Variants in PARVA observed in about 807,000 individuals in gnomAD.
PARVA encodes parvin alpha, also known as alpha-parvin.
A neutral mutation model predicts 52.6 loss-of-function variants in PARVA; 25 were observed. The observed-to-expected ratio is 0.48, with a 90% CI of 0.35 to 0.66. The LOEUF is 0.66. PARVA is among the 30% of genes least tolerant of loss of function. PARVA has a pLI of 0.01. For missense variants in PARVA, 373 were observed against 450.9 expected (o/e 0.83, Z 1.56); for synonymous variants, 185 against 179.1 (o/e 1.03, Z -0.26).
At chr11:12,431,752 C>A (rs1490736497) in intron 1 of PARVA, among the ~76,000 whole-genome samples, 4 of 152,256 alleles carry the variant, frequency 2.6e-5, no homozygotes, top group Non-Finnish European at 5.9e-5. Flanking sequence ...ATGGGCCCCC[C>A]ACTCCCTGCC....
At chr11:12,401,107 G>T (rs1197793976) in intron 1 of PARVA, among the ~76,000 whole-genome samples, 1 of 152,160 alleles carries the variant, frequency 6.6e-6, no homozygotes, top group Non-Finnish European at 1.5e-5. Context: ...GTGGGACCAG[G>T]GTATTCCATC....
At chr11:12,385,041 G>A (rs576852449) in intron 1 of PARVA, among the ~76,000 whole-genome samples, 171 of 152,246 alleles carry the variant, frequency 1.1e-3, no homozygotes, top group South Asian at 1.9e-3. Context: ...TGAGGCAAAA[G>A]GTTTCTAGAA....
At chr11:12,397,425 A>G (rs1411180055) in intron 1 of PARVA, among the ~76,000 whole-genome samples, 3 of 152,222 alleles carry the variant, frequency 2.0e-5, no homozygotes, top group African/African-American at 7.2e-5. Flanking sequence ...TGCAAACAAC[A>G]TTCTATGCCA....
intron 5 of PARVA, among the ~76,000 whole-genome samples, chr11:12,499,995 G>T (rs537138479): frequency 3.5e-4 from 53 of 152,098 alleles, no homozygotes; most frequent in Middle Eastern, 3.4e-3. Context: ...ATTGTTCTCC[G>T]TTTTCCCACT....
rs1941537354 is a variant in PARVA, at chr11:12,513,991, T to C, written c.799-6T>C. On this transcript the variant is annotated splice_region_variant and splice_polypyrimidine_tract_variant and intron_variant, in intron 9 of 12. Coordinates refer to ENST00000334956, the MANE Select transcript of PARVA (RefSeq NM_018222.5). ...CAGCTTAGGGCCTGCTTTGCTTCTC[T>C]TTTAGACACTCATCACTTTCGTGAA... is the stretch of plus-strand genomic sequence containing the variant. 1 of 1,613,530 alleles carries C rather than the reference T, an allele frequency of 6.2e-7. No homozygotes were observed. Among genetic ancestry groups the C allele is most frequent in the Non-Finnish European group, 8.5e-7 (1 of 1,179,536 alleles).
chr11:12,509,076 T>G (rs76328635), intron 7 of PARVA, among the ~76,000 whole-genome samples: 9 of 120,890 alleles, frequency 7.4e-5, no homozygotes, highest in African/African-American at 3.2e-4. Context: ...TTTGGGGTGG[T>G]TTTTTTTTTT....
intron 5 of PARVA, among the ~76,000 whole-genome samples, chr11:12,500,820 C>A (rs1941354713): frequency 7.1e-6 from 1 of 140,238 alleles, no homozygotes; most frequent in African/African-American, 2.7e-5. Context: ...GGAAAAAAAA[C>A]CTATCTGGCG....
chr11:12,388,744 T>C (rs1022473958), intron 1 of PARVA, among the ~76,000 whole-genome samples: 1 of 151,910 alleles, frequency 6.6e-6, no homozygotes, highest in Non-Finnish European at 1.5e-5. Flanking sequence ...TAAAGATAAG[T>C]TTTTTTATCT....
At chr11:12,471,788 A>C (rs773562172) in intron 1 of PARVA, among the ~76,000 whole-genome samples, 36 of 152,242 alleles carry the variant, frequency 2.4e-4, no homozygotes, top group Non-Finnish European at 2.9e-4. Flanking sequence ...AAATTTAAAT[A>C]GCTCAAGTGG....
At chr11:12,464,873 T>C (rs1304610636) in intron 1 of PARVA, among the ~76,000 whole-genome samples, 1 of 152,204 alleles carries the variant, frequency 6.6e-6, no homozygotes, top group Non-Finnish European at 1.5e-5. Context: ...ACCAATTTCA[T>C]GGAAGACAGT....
intron 8 of PARVA, 86 bp downstream of exon 8, chr11:12,511,619 C>G: frequency 7.2e-7 from 1 of 1,393,558 alleles, no homozygotes; most frequent in Non-Finnish European, 1.0e-6. Context: ...AACAGGCTCT[C>G]AGCTTGTCAC....
Position 12,533,963 on chromosome 11 carries a change from T to C in PARVA, c.*6038T>C, listed in dbSNP as rs1183413005. Among the ~76,000 whole-genome samples the C allele has an allele frequency of 2.0e-5, 3 of 151,786 alleles. No homozygotes were observed. The highest frequency in any genetic ancestry group is 4.4e-5 in the Non-Finnish European group (3 of 67,964). On this transcript the variant is annotated 3_prime_UTR_variant, in exon 13 of 13. Transcript: ENST00000334956. ...ACGGACAGATCACAAGGTCAGGAGATTGAGACTATCCTGGCTAATATGGTG... is the reference window on the plus strand; with the variant it reads ...ACGGACAGATCACAAGGTCAGGAGACTGAGACTATCCTGGCTAATATGGTG...
rs1941724257 is a variant in PARVA at position 12,527,935 on chromosome 11, C to T, written c.*10C>T. 1.2e-6 allele frequency: 2 copies of T among 1,600,084 alleles called. No homozygotes were observed. Among genetic ancestry groups the T allele is most frequent in the Non-Finnish European group, 1.7e-6 (2 of 1,168,438 alleles). ...CCGTAACGTGGAGTGAGGGGCTGCC[C>T]TGGGCCCACCACTGCCCAAGAGTTC... is the stretch of plus-strand genomic sequence containing the variant. On this transcript the variant is annotated 3_prime_UTR_variant, in exon 13 of 13. Transcript: ENST00000334956.
chr11:12,469,518 T>C (rs1482258344), intron 1 of PARVA, among the ~76,000 whole-genome samples: 1 of 152,154 alleles, frequency 6.6e-6, no homozygotes, highest in African/African-American at 2.4e-5. Flanking sequence ...TGCGTGAGGA[T>C]TGGCAAGGGG....
intron 1 of PARVA, among the ~76,000 whole-genome samples, chr11:12,403,105 C>T (rs923859657): frequency 6.9e-4 from 105 of 152,344 alleles, no homozygotes; most frequent in African/African-American, 2.4e-3. Context: ...CAGGGCAGCT[C>T]GAAGGGCCTG....
intron 12 of PARVA, 75 bp downstream of exon 12, chr11:12,518,592 G>C: frequency 9.5e-7 from 1 of 1,057,512 alleles, no homozygotes; most frequent in Non-Finnish European, 1.4e-6. Flanking sequence ...AGATTTTGTA[G>C]CAGAGGGAAG....
At position 12,534,247 on chromosome 11, in the gene PARVA, A is replaced by G. The variant is rs1941809378; in HGVS notation, c.*6322A>G. Among the ~76,000 whole-genome samples, 1 of 152,192 alleles carries G rather than the reference A, an allele frequency of 6.6e-6. No individual in the cohort carries two copies. The highest frequency in any genetic ancestry group is 6.5e-5 in the Admixed American group (1 of 15,278). On this transcript the variant is annotated 3_prime_UTR_variant, in exon 13 of 13. Coordinates refer to ENST00000334956, the MANE Select transcript of PARVA (RefSeq NM_018222.5). ...TCAAATCATTGTTGTTCAAGGGTCA[A>G]TTGTATATTATTTTCACTGGAAGTT...
intron 1 of PARVA, among the ~76,000 whole-genome samples, chr11:12,419,592 A>G (rs548233663): frequency 1.3e-5 from 2 of 152,310 alleles, no homozygotes; most frequent in African/African-American, 2.4e-5. Context: ...GTGTACAACT[A>G]TATCTTCAAG....
At chr11:12,495,269 C>T (rs912249495) in intron 4 of PARVA, among the ~76,000 whole-genome samples, 6 of 152,138 alleles carry the variant, frequency 3.9e-5, no homozygotes, top group Non-Finnish European at 7.4e-5. Context: ...TAAAAAAATT[C>T]GCAAATCCAC....
Sources: gnomAD v4.1 joint callset for allele counts (sites outside exome capture counted in the v4.1 genomes callset) on GRCh38, gnomAD v4.1.1 for gene constraint, MANE v1.5 for transcripts, NCBI Gene and HGNC (gene_info 2026-07-23, HGNC 2026-07-21) for gene names.